RRN3: variants seen among roughly 807,000 people sequenced by gnomAD.
RRN3 encodes the protein RNA polymerase I-specific transcription initiation factor RRN3.
In RRN3, 38 loss-of-function variants were observed where a neutral mutation model predicts 82.3. That is an observed-to-expected ratio of 0.46 (90% CI 0.36 to 0.61). The LOEUF (loss-of-function observed/expected upper bound fraction) is 0.61, where lower values mean the gene tolerates loss of function less well. Among genes scored for constraint, RRN3 ranks in the 20% least tolerant of loss-of-function variants. The pLI, the probability that RRN3 is intolerant of heterozygous loss-of-function variation, is 0.00. For missense variants in RRN3, 726 were observed against 793.1 expected (o/e 0.92, Z 1.02); for synonymous variants, 284 against 284.3 (o/e 1.00, Z 0.01).
intron 6 of RRN3, among the ~76,000 whole-genome samples, chr16:15,085,414 T>C (rs1163994394): frequency 6.6e-6 from 1 of 152,118 alleles, no homozygotes; most frequent in African/African-American, 2.4e-5. Context: ...GCCTCCCAGG[T>C]AGCTGTGACT....
At chr16:15,073,139 C>G (rs1802720620) in intron 11 of RRN3, 59 bp from the exon 12 acceptor site, 1 of 1,563,504 alleles carries the variant, frequency 6.4e-7, no homozygotes, top group Non-Finnish European at 8.7e-7. Flanking sequence ...GTTTCATCTG[C>G]CATATTTTTT....
intron 8 of RRN3, among the ~76,000 whole-genome samples, chr16:15,082,233 T>C (rs2045737891): frequency 6.6e-6 from 1 of 152,248 alleles, no homozygotes; most frequent in African/African-American, 2.4e-5. Flanking sequence ...AGATGCCCTT[T>C]ATCAGGTTGA....
In RRN3 at chr16:15,061,570, A is replaced by C. The variant is rs1012021091; in HGVS notation, c.*174T>G. On this transcript the variant is annotated 3_prime_UTR_variant, in exon 18 of 18. Coordinates refer to ENST00000198767, the MANE Select transcript of RRN3 (RefSeq NM_018427.5). ...TGTCTGTAAGGGGAACAACAACAAC[A>C]AAAAAACCCAGTCTTCAGATGCTTG... is the stretch of plus-strand genomic sequence containing the variant. 2.0e-6 allele frequency: 1 copy of C among 506,930 alleles called. No individual in the cohort carries two copies. Among genetic ancestry groups the C allele is most frequent in the African/African-American group, 1.9e-5 (1 of 52,230 alleles). The allele number at this position is 506,930 out of a possible 1,614,324, so 31.4% of individuals were successfully genotyped here.
At chr16:15,094,035 GCTC>G in intron 1 of RRN3, 107 bp downstream of exon 1, 1 of 929,740 alleles carries the variant, frequency 1.1e-6, no homozygotes, top group South Asian at 1.4e-5. Flanking sequence ...TCCACCCCGT[GCTC>G]CTATCACACG....
rs1207796795 is a variant in RRN3, at chr16:15,063,254, T to A, written c.1736A>T (p.Gln579Leu). The A allele has an allele frequency of 6.2e-7, 1 of 1,613,298 alleles. No homozygotes were observed. The highest frequency in any genetic ancestry group is 8.5e-7 in the Non-Finnish European group (1 of 1,179,362). Reference protein sequence around the residue: ...RSKKFIDPIYQVWEDMSAEEL... With the variant: ...RSKKFIDPIYLVWEDMSAEEL... ...TTCAGCACTCATGTCTTCCCACACC[T>A]GATAAATAGGATCAATGAATTTCTT... Residue 579 changes from glutamine (Q) to leucine (L), a missense_variant, in exon 17 of 18, where the codon CAG becomes CTG. Gln to Leu is a moderately radical substitution (Grantham distance 113, BLOSUM62 -2). This residue lies in a region of RRN3 where 166 missense variants were observed against 154.8 expected (regional missense o/e 1.07). Coordinates refer to ENST00000198767, the MANE Select transcript of RRN3 (RefSeq NM_018427.5).
chr16:15,070,343 C>T, intron 13 of RRN3, 89 bp from the exon 14 acceptor site: 1 of 1,163,344 alleles, frequency 8.6e-7, no homozygotes, highest in Non-Finnish European at 1.2e-6. Flanking sequence ...CATTACAAAC[C>T]ATGCTAAGTA....
chr16:15,073,170 AAAC>A (rs1298095385), intron 11 of RRN3, 90 bp from the exon 12 acceptor site: 4 of 1,436,352 alleles, frequency 2.8e-6, no homozygotes, highest in African/African-American at 2.9e-5. Context: ...CACCATTAAA[AAAC>A]AACATTATCC....
chr16:15,073,110 T>C, intron 11 of RRN3, 30 bp from the exon 12 acceptor site: 1 of 1,599,044 alleles, frequency 6.3e-7, no homozygotes, highest in Non-Finnish European at 8.5e-7. Flanking sequence ...TCTCAGTTTT[T>C]ATAAAGACAT....
intron 11 of RRN3, among the ~76,000 whole-genome samples, chr16:15,073,815 T>C (rs1485478629): frequency 6.6e-6 from 1 of 152,170 alleles, no homozygotes; most frequent in Non-Finnish European, 1.5e-5. Flanking sequence ...GATGGGGTCT[T>C]GTTATGTTGC....
intron 3 of RRN3, among the ~76,000 whole-genome samples, chr16:15,089,617 G>GCA: frequency 6.6e-6 from 1 of 151,420 alleles, no homozygotes; most frequent in South Asian, 2.1e-4. Flanking sequence ...TGGCTAACAT[G>GCA]GTGAAACCCC....
intron 1 of RRN3, among the ~76,000 whole-genome samples, chr16:15,093,415 C>A (rs775615137): frequency 2.0e-5 from 3 of 152,212 alleles, no homozygotes; most frequent in Admixed American, 6.5e-5. Context: ...TGTTGTATAA[C>A]TGAAATCATC....
intron 11 of RRN3, 140 bp from the exon 12 acceptor site, chr16:15,073,220 C>G: frequency 1.1e-6 from 1 of 931,042 alleles, no homozygotes; most frequent in Non-Finnish European, 1.6e-6. Flanking sequence ...AATCCCAGCA[C>G]TTTGGGAGGC....
intron 14 of RRN3, among the ~76,000 whole-genome samples, chr16:15,068,934 A>G (rs1454501160): frequency 6.6e-6 from 1 of 152,230 alleles, no homozygotes; most frequent in East Asian, 1.9e-4. Context: ...ATTTCAATAA[A>G]AATTACCTAA....
At chr16:15,088,214 TG>T (rs1567223377) in intron 3 of RRN3, among the ~76,000 whole-genome samples, 1 of 152,172 alleles carries the variant, frequency 6.6e-6, no homozygotes. Context: ...GGCTCATGCC[TG>T]TAATCCCAGC....
intron 12 of RRN3, among the ~76,000 whole-genome samples, chr16:15,071,684 C>T (rs2045236412): frequency 6.6e-6 from 1 of 152,198 alleles, no homozygotes; most frequent in Admixed American, 6.5e-5. Context: ...AGGAGAATCG[C>T]TTGAACCCAG....
intron 12 of RRN3, among the ~76,000 whole-genome samples, chr16:15,072,347 G>A (rs1373714808): frequency 6.6e-6 from 1 of 152,026 alleles, no homozygotes; most frequent in African/African-American, 2.4e-5. Flanking sequence ...CTCAACCCTT[G>A]GAAAGAATAA....
In RRN3 at chr16:15,076,620, C is replaced by T; in HGVS notation, c.796G>A (p.Ala266Thr). 3.1e-6 allele frequency: 5 copies of T among 1,612,818 alleles called. No individual in the cohort carries two copies. Among genetic ancestry groups the T allele is most frequent in the Non-Finnish European group, 4.2e-6 (5 of 1,178,908 alleles). Reference protein sequence around the residue: ...VNASRQGIEDAEETATQTCGG... With the variant: ...VNASRQGIEDTEETATQTCGG... Reference sequence around the variant, plus strand: ...CAAGTTTGAGTTGCTGTTTCTTCAGCATCTTCAATACCCTGCCGGGATGCA... The same window carrying T: ...CAAGTTTGAGTTGCTGTTTCTTCAGTATCTTCAATACCCTGCCGGGATGCA... Residue 266 changes from alanine (A) to threonine (T), a missense_variant, in exon 10 of 18, where the codon GCT becomes ACT. By Grantham distance (58) the Ala-to-Thr change is moderately conservative (BLOSUM62 0). Transcript: ENST00000198767.
At chr16:15,073,692 T>A (rs1254048995) in intron 11 of RRN3, among the ~76,000 whole-genome samples, 1 of 152,168 alleles carries the variant, frequency 6.6e-6, no homozygotes, top group Admixed American at 6.5e-5. Flanking sequence ...AACAGCTGAA[T>A]ATATAGGCAC....
chr16:15,093,024 G>C (rs1216765021), intron 1 of RRN3, among the ~76,000 whole-genome samples: 3 of 151,342 alleles, frequency 2.0e-5, no homozygotes, highest in Admixed American at 1.3e-4. Flanking sequence ...TTTTTTTTGA[G>C]ATGGAGTCTT....
Sources: gnomAD v4.1 joint callset for allele counts (sites outside exome capture counted in the v4.1 genomes callset) on GRCh38, gnomAD v4.1.1 for gene constraint, gnomAD v4.1.1 regional missense constraint, MANE v1.5 for transcripts, NCBI Gene and HGNC (gene_info 2026-07-23, HGNC 2026-07-21) for gene names.